UGT2A1: variants seen among roughly 807,000 people sequenced by gnomAD.
The protein encoded by UGT2A1 is UDP glucuronosyltransferase family 2 member A1 complex locus.
UGT2A1 carries 61 observed loss-of-function variants against 45.4 expected under a neutral mutation model. That is an observed-to-expected ratio of 1.34 (90% CI 1.09 to 1.66). The LOEUF is 1.66. Among genes scored for constraint, UGT2A1 ranks in the 40% most tolerant of loss-of-function variants. The probability of loss-of-function intolerance (pLI) is 0.00; values close to 1 mark genes in which losing one functional copy is unlikely to be tolerated. For missense variants in UGT2A1, 649 were observed against 574.3 expected, an observed-to-expected ratio of 1.13 and a Z score of -1.33; for synonymous variants, 229 against 196.2, an observed-to-expected ratio of 1.17 and a Z score of -1.40.
At chr4:69,594,740 CATT>C in intron 5 of UGT2A1, 44 bp from the exon 6 acceptor site, 1 of 1,578,030 alleles carries the variant, frequency 6.3e-7, no homozygotes, top group Non-Finnish European at 8.6e-7. Context: ...AATAATAACA[CATT>C]AGCAGAATTT....
intron 3 of UGT2A1, among the ~76,000 whole-genome samples, chr4:69,626,200 A>T (rs1339182362): frequency 7.3e-5 from 11 of 150,584 alleles, no homozygotes; most frequent in Non-Finnish European, 1.3e-4. Flanking sequence ...TCTGGTAGAG[A>T]GATATTTGTA....
In UGT2A1 at chr4:69,624,554, T is replaced by G. The variant is rs368076044; in HGVS notation, c.847+11137A>C. ...TTTTGTTCTTTTTTTCTTTCCTATC[T>G]TCATGTTTATTAGTTGAACACATTT... On this transcript the variant is annotated intron_variant, in intron 3 of 6. Transcript: ENST00000286604. 4.6e-5 allele frequency among the ~76,000 whole-genome samples: 7 copies of G among 151,524 alleles called. 1 individual carries two copies. The highest frequency in any genetic ancestry group is 1.4e-4 in the African/African-American group (6 of 41,482).
Position 69,595,185 on chromosome 4 carries a change from C to T in UGT2A1, c.1061G>A (p.Trp354Ter). 6.2e-7 allele frequency: 1 copy of T among 1,613,786 alleles called. No homozygotes were observed. Among genetic ancestry groups the T allele is most frequent in the Non-Finnish European group, 8.5e-7 (1 of 1,179,862 alleles). Residue 354 changes from tryptophan (W) to a stop codon, truncating the protein, a stop_gained, in exon 5 of 7, where the codon TGG becomes TAG. Transcript: ENST00000286604. LOFTEE classifies it high-confidence loss of function. ...TLGNNTQLFD[W>*]IPQNDLLGHP... Reference sequence around the variant, plus strand: ...ACCAAGAAGATCATTCTGGGGTATCCAATCAAAGAGCTGAGTATTGTTTCC... The same window carrying T: ...ACCAAGAAGATCATTCTGGGGTATCTAATCAAAGAGCTGAGTATTGTTTCC...
rs767116661 is a variant in UGT2A1 at position 69,647,561 on chromosome 4, C to G, written c.84G>C (p.Met28Ile). ...TAACATTTAGCCAATGACTACCTTC[C>G]ATTGGCCAAATCAAAACATTCCCAC... ...TLGGNVLIWP[M>I]EGSHWLNVKI... The change falls in exon 2 of 7, where the codon ATG (methionine) becomes ATC (isoleucine). Residue 28 changes from methionine to isoleucine, a missense_variant. Transcript: ENST00000286604. 22 of 1,612,046 alleles carry G rather than the reference C, an allele frequency of 1.4e-5. No homozygotes were observed. The highest frequency in any genetic ancestry group is 1.2e-5 in the Non-Finnish European group (14 of 1,178,994).
At chr4:69,624,501 C>T (rs1720924631) in intron 3 of UGT2A1, among the ~76,000 whole-genome samples, 1 of 151,274 alleles carries the variant, frequency 6.6e-6, no homozygotes, top group Non-Finnish European at 1.5e-5. Flanking sequence ...TATCATTTTG[C>T]TACTTTTTTT....
intron 3 of UGT2A1, among the ~76,000 whole-genome samples, chr4:69,629,013 C>G (rs1037823607): frequency 6.6e-6 from 1 of 151,352 alleles, no homozygotes; most frequent in African/African-American, 2.4e-5. Flanking sequence ...TCAGGTGATA[C>G]ATGGTTATAC....
intron 3 of UGT2A1, among the ~76,000 whole-genome samples, chr4:69,621,269 C>T (rs946316949): frequency 2.6e-5 from 4 of 151,880 alleles, no homozygotes; most frequent in African/African-American, 4.8e-5. Flanking sequence ...ATCTAATATC[C>T]AGTATTTACA....
chr4:69,636,373 G>C (rs547643512), intron 2 of UGT2A1, among the ~76,000 whole-genome samples: 1 of 152,022 alleles, frequency 6.6e-6, no homozygotes, highest in Non-Finnish European at 1.5e-5. Context: ...ATACAAAATG[G>C]GGTTTTACCA....
chr4:69,639,480 T>C lies in UGT2A1; in HGVS notation c.716-3658A>G, dbSNP rs373029428. The C allele has an allele frequency of 6.6e-5, 107 of 1,613,224 alleles. 2 individuals carry two copies. In the South Asian group the frequency reaches 7.2e-4, roughly 11 times the overall value. The stretch of plus-strand genomic sequence containing the variant: ...CAGTACAGTCACATTGTGATTTCTT[T>C]GAATCAACTCTTCTAGAATAATCTT... On this transcript the variant is annotated intron_variant, in intron 2 of 6. Coordinates refer to ENST00000286604, the MANE Select transcript of UGT2A1 (RefSeq NM_001252275.3).
chr4:69,611,880 G>A (rs887159527), intron 3 of UGT2A1, among the ~76,000 whole-genome samples: 3 of 152,006 alleles, frequency 2.0e-5, no homozygotes, highest in South Asian at 2.1e-4. Flanking sequence ...TTACACATAC[G>A]CATTCACATA....
At chr4:69,600,861 C>A (rs1022880236) in intron 3 of UGT2A1, among the ~76,000 whole-genome samples, 2 of 151,748 alleles carry the variant, frequency 1.3e-5, no homozygotes, top group African/African-American at 4.8e-5. Context: ...AAGAAGAGTA[C>A]CAAGGGAGGA....
At chr4:69,638,438 G>C (rs1390101290) in intron 2 of UGT2A1, among the ~76,000 whole-genome samples, 1 of 152,138 alleles carries the variant, frequency 6.6e-6, no homozygotes, top group Non-Finnish European at 1.5e-5. Flanking sequence ...TAGAGAGACA[G>C]TGAGAACCAG....
intron 1 of UGT2A1, among the ~76,000 whole-genome samples, chr4:69,648,025 A>G (rs1323136863): frequency 6.6e-6 from 1 of 151,810 alleles, no homozygotes; most frequent in Non-Finnish European, 1.5e-5. Context: ...TAGGTATTGA[A>G]ACCTCAGATA....
chr4:69,618,957 T>G (rs914206947), intron 3 of UGT2A1, among the ~76,000 whole-genome samples: 10 of 152,050 alleles, frequency 6.6e-5, no homozygotes, highest in Middle Eastern at 3.4e-3. Flanking sequence ...TTGTTTAACA[T>G]ACTTTAAATT....
At chr4:69,649,705 T>C (rs1368116) in intron 1 of UGT2A1, among the ~76,000 whole-genome samples, 152,084 of 152,164 alleles carry the variant, frequency 1, 76,007 homozygotes, top group Middle Eastern at 1. Context: ...TACATATACA[T>C]GCTGTGGGCT....
chr4:69,616,833 C>CTTTTTTTTTTTTTT (rs4148315), intron 3 of UGT2A1, among the ~76,000 whole-genome samples: 12 of 127,232 alleles, frequency 9.4e-5, no homozygotes, highest in South Asian at 2.5e-4. Flanking sequence ...ATTTTCTTTT[C>CTTTTTTTTTTTTTT]TTTTTTTTTT....
rs149931914 is a variant in UGT2A1, at chr4:69,647,001, G to A, written c.644C>T (p.Ser215Phe). The change falls in exon 2 of 7, where the codon TCC becomes TTC. Residue 215 changes from serine to phenylalanine, a missense_variant. Coordinates refer to ENST00000286604, the MANE Select transcript of UGT2A1 (RefSeq NM_001252275.3). ...AAACATGTAGTCCTGTAGGTGGTAGGAGATGAAATTTCTTATTCTGTCAGT... is the reference window on the plus strand; with the variant it reads ...AAACATGTAGTCCTGTAGGTGGTAGAAGATGAAATTTCTTATTCTGTCAGT... The part of the protein sequence containing the change: ...SFTDRIRNFI[S>F]YHLQDYMFET... 9 of 1,612,310 alleles carry A rather than the reference G, an allele frequency of 5.6e-6. No homozygotes were observed. In the African/African-American group the frequency reaches 6.7e-5, roughly 12 times the overall value.
Position 69,599,388 on chromosome 4 carries a change from G to A in UGT2A1, c.854C>T (p.Pro285Leu). ...CCCCATAGTCTCACATAACGTAGTG[G>A]GTCTTCCTGGAGAAAATGTAACAAG... Reference protein sequence around the residue: ...SWDYRLPAGRPTTLCETMGKA... With the variant: ...SWDYRLPAGRLTTLCETMGKA... The change falls in exon 4 of 7, where the codon CCC (proline) becomes CTC (leucine). Residue 285 changes from proline (P) to leucine (L), a missense_variant. Coordinates refer to ENST00000286604, the MANE Select transcript of UGT2A1 (RefSeq NM_001252275.3). 1 of 1,612,550 alleles carries A rather than the reference G, an allele frequency of 6.2e-7. No individual in the cohort carries two copies. The highest frequency in any genetic ancestry group is 8.5e-7 in the Non-Finnish European group (1 of 1,179,586).
intron 3 of UGT2A1, among the ~76,000 whole-genome samples, chr4:69,601,371 C>T (rs1719280261): frequency 6.6e-6 from 1 of 152,088 alleles, no homozygotes; most frequent in Non-Finnish European, 1.5e-5. Flanking sequence ...TTGGGGAGCT[C>T]CATGCCCTTC....
Sources: gnomAD v4.1 joint callset for allele counts (sites outside exome capture counted in the v4.1 genomes callset) on GRCh38, gnomAD v4.1.1 for gene constraint, MANE v1.5 for transcripts, NCBI Gene and HGNC (gene_info 2026-07-23, HGNC 2026-07-21) for gene names.